Variants in SEL1L2 observed in about 807,000 individuals in gnomAD.
SEL1L2 encodes the protein SEL1L2 adaptor subunit of SYVN1 ubiquitin ligase.
SEL1L2 carries 89 observed loss-of-function variants against 98.8 expected under a neutral mutation model. The ratio of observed to expected loss-of-function variants is 0.90; its 90% CI spans 0.76 to 1.07. The LOEUF is 1.07. Among genes scored for constraint, SEL1L2 ranks in the 50% least tolerant of loss-of-function variants. The pLI is 0.00. For missense variants in SEL1L2, 788 were observed against 812.0 expected (o/e 0.97, Z 0.36); for synonymous variants, 262 against 278.5 (o/e 0.94, Z 0.59).
At chr20:13,951,308 G>A (rs6042453) in intron 2 of SEL1L2, among the ~76,000 whole-genome samples, 5 of 115,676 alleles carry the variant, frequency 4.3e-5, no homozygotes, top group Admixed American at 1.1e-4. Context: ...AAGAAAGAAA[G>A]AAAGAAAATA....
At chr20:13,945,838 C>T (rs1364925755) in intron 2 of SEL1L2, among the ~76,000 whole-genome samples, 2 of 151,956 alleles carry the variant, frequency 1.3e-5, no homozygotes, top group Non-Finnish European at 2.9e-5. Flanking sequence ...GAGAAAAGCA[C>T]ATGATTATCT....
chr20:13,899,618 C>A (rs1334733243), intron 5 of SEL1L2, among the ~76,000 whole-genome samples: 1 of 152,082 alleles, frequency 6.6e-6, no homozygotes, highest in Non-Finnish European at 1.5e-5. Context: ...TATAAGGGCA[C>A]CTAGTCCTAT....
At chr20:13,932,223 A>G (rs1393067563) in intron 2 of SEL1L2, among the ~76,000 whole-genome samples, 1 of 152,126 alleles carries the variant, frequency 6.6e-6, no homozygotes, top group Non-Finnish European at 1.5e-5. Flanking sequence ...AGTCCTTTTC[A>G]GAAGTTATAT....
At chr20:13,938,695 T>C (rs935742503) in intron 2 of SEL1L2, among the ~76,000 whole-genome samples, 5 of 152,138 alleles carry the variant, frequency 3.3e-5, no homozygotes, top group Admixed American at 6.5e-5. Flanking sequence ...CAAATTAACC[T>C]CTCTGTGACT....
chr20:13,936,153 T>C (rs1191552679), intron 2 of SEL1L2, among the ~76,000 whole-genome samples: 1 of 152,172 alleles, frequency 6.6e-6, no homozygotes, highest in African/African-American at 2.4e-5. Flanking sequence ...AGCTCTGAAA[T>C]AGCCTTTGCC....
At chr20:13,866,963 C>T in intron 14 of SEL1L2, 113 bp from the exon 15 acceptor site, 2 of 1,051,964 alleles carry the variant, frequency 1.9e-6, no homozygotes, top group Non-Finnish European at 2.5e-6. Flanking sequence ...TGGGAAAAGC[C>T]AACCAAAAGT....
At chr20:13,884,215 C>CTT (rs2046838897) in intron 10 of SEL1L2, among the ~76,000 whole-genome samples, 1 of 152,108 alleles carries the variant, frequency 6.6e-6, no homozygotes, top group Non-Finnish European at 1.5e-5. Flanking sequence ...GTTTCTATCA[C>CTT]TTAGCCATTG....
chr20:13,990,628 G>T, upstream of SEL1L2: 1 of 933,982 alleles, frequency 1.1e-6, no homozygotes, highest in Non-Finnish European at 1.7e-6. Context: ...GTGGGGGCAG[G>T]AGTCAGTTGC....
chr20:13,860,337 T>C (rs1426354308), intron 17 of SEL1L2, among the ~76,000 whole-genome samples: 1 of 152,204 alleles, frequency 6.6e-6, no homozygotes, highest in Admixed American at 6.5e-5. Flanking sequence ...TCCCATGGAC[T>C]CTTCAACCCA....
intron 2 of SEL1L2, among the ~76,000 whole-genome samples, chr20:13,949,333 G>A (rs1238036349): frequency 6.6e-6 from 1 of 152,162 alleles, no homozygotes; most frequent in Non-Finnish European, 1.5e-5. Flanking sequence ...ACCTCAATGA[G>A]CCACCACCTT....
chr20:13,979,298 C>A (rs556922365), intron 1 of SEL1L2, among the ~76,000 whole-genome samples: 1 of 151,932 alleles, frequency 6.6e-6, no homozygotes, highest in Non-Finnish European at 1.5e-5. Flanking sequence ...TTAATTGATA[C>A]AAAAATACAG....
At chr20:13,907,722 C>CTT (rs1332567292) in intron 5 of SEL1L2, among the ~76,000 whole-genome samples, 1 of 128,438 alleles carries the variant, frequency 7.8e-6, no homozygotes, top group African/African-American at 3.2e-5. Flanking sequence ...TTCTTTCTTT[C>CTT]TTTCTTTCTT....
chr20:13,938,950 G>T, intron 2 of SEL1L2, among the ~76,000 whole-genome samples: 1 of 151,482 alleles, frequency 6.6e-6, no homozygotes, highest in Admixed American at 6.6e-5. Context: ...GTCAGTAAAT[G>T]CAGGTGTTCT....
At chr20:13,908,176 G>T (rs2048060179) in intron 5 of SEL1L2, among the ~76,000 whole-genome samples, 1 of 136,328 alleles carries the variant, frequency 7.3e-6, no homozygotes, top group Non-Finnish European at 1.5e-5. Flanking sequence ...GGAGTGTGGT[G>T]GTGCGAACAC....
intron 3 of SEL1L2, among the ~76,000 whole-genome samples, chr20:13,926,120 C>T (rs913183573): frequency 1.3e-5 from 2 of 152,130 alleles, no homozygotes; most frequent in Admixed American, 6.5e-5. Context: ...AGATTGAGAC[C>T]ATCCTGGCTA....
intron 5 of SEL1L2, among the ~76,000 whole-genome samples, chr20:13,897,780 G>A (rs948880934): frequency 2.6e-5 from 4 of 152,170 alleles, no homozygotes; most frequent in African/African-American, 9.6e-5. Flanking sequence ...CAGGAGAATC[G>A]CTTGAACCCA....
intron 11 of SEL1L2, among the ~76,000 whole-genome samples, chr20:13,876,778 A>G (rs1015003251): frequency 1.3e-5 from 2 of 152,174 alleles, no homozygotes; most frequent in African/African-American, 4.8e-5. Flanking sequence ...TCATAGGCTC[A>G]TAGCTACGCT....
At chr20:13,857,818 T>C (rs1364946877) in intron 18 of SEL1L2, among the ~76,000 whole-genome samples, 1 of 152,256 alleles carries the variant, frequency 6.6e-6, no homozygotes, top group Non-Finnish European at 1.5e-5. Flanking sequence ...GCAGTCATTC[T>C]ACATACTGTT....
At chr20:13,946,406 A>G (rs765846693) in intron 2 of SEL1L2, among the ~76,000 whole-genome samples, 22 of 152,224 alleles carry the variant, frequency 1.4e-4, no homozygotes, top group Non-Finnish European at 2.6e-4. Context: ...AAAAAAGAAT[A>G]AAGTACTTAT....
Sources: gnomAD v4.1 joint callset for allele counts (sites outside exome capture counted in the v4.1 genomes callset) on GRCh38, gnomAD v4.1.1 for gene constraint, MANE v1.5 for transcripts, NCBI Gene and HGNC (gene_info 2026-07-23, HGNC 2026-07-21) for gene names.